MPPED1: variants seen among roughly 807,000 people sequenced by gnomAD.
The protein encoded by MPPED1 is metallophosphoesterase domain containing 1.
MPPED1 carries 16 observed loss-of-function variants against 36.2 expected under a neutral mutation model. The ratio of observed to expected loss-of-function variants is 0.44; its 90% CI spans 0.30 to 0.67. The LOEUF is 0.67. Ranked by LOEUF, MPPED1 falls within the 30% of genes least tolerant of loss-of-function variation. The pLI is 0.10. For synonymous variants in MPPED1, 199 were observed against 191.3 expected, an observed-to-expected ratio of 1.04 and a Z score of -0.33; for missense variants, 307 against 453.4, an observed-to-expected ratio of 0.68 and a Z score of 2.93.
intron 5 of MPPED1, among the ~76,000 whole-genome samples, chr22:43,499,636 AGGT>A (rs561950383): frequency 0.041 from 516 of 12,490 alleles, 18 homozygotes; most frequent in African/African-American, 0.059. Context: ...ATGATGGTGG[AGGT>A]GGTGGTGGTG....
At chr22:43,503,667 C>G (rs1377626800) in intron 6 of MPPED1, among the ~76,000 whole-genome samples, 1 of 152,134 alleles carries the variant, frequency 6.6e-6, no homozygotes, top group Non-Finnish European at 1.5e-5. Flanking sequence ...TGGAGGAGCC[C>G]TAGGCACAGA....
intron 1 of MPPED1, among the ~76,000 whole-genome samples, chr22:43,412,450 G>C (rs933722848): frequency 1.3e-5 from 2 of 152,124 alleles, no homozygotes; most frequent in African/African-American, 4.8e-5. Context: ...GCTGCTGGCG[G>C]AGTAGCTGGT....
At chr22:43,466,273 G>A (rs1279715745) in intron 3 of MPPED1, among the ~76,000 whole-genome samples, 3 of 152,126 alleles carry the variant, frequency 2.0e-5, no homozygotes, top group African/African-American at 7.2e-5. Context: ...GAGGCCAGGG[G>A]GTCTGCAGCT....
At chr22:43,432,255 AAGAG>A (rs1218664583) in intron 2 of MPPED1, among the ~76,000 whole-genome samples, 3 of 148,176 alleles carry the variant, frequency 2.0e-5, no homozygotes, top group African/African-American at 7.5e-5. Flanking sequence ...GAGGGAGGGA[AAGAG>A]AGAGAAAGGG....
intron 4 of MPPED1, among the ~76,000 whole-genome samples, chr22:43,489,557 C>T (rs537147403): frequency 4.6e-5 from 7 of 151,668 alleles, no homozygotes; most frequent in Admixed American, 1.3e-4. Flanking sequence ...CTCGCTCTGT[C>T]GCCCAGGCTG....
At chr22:43,412,235 GGCGCTGGGCGACGCCCGCGGCGCT>G in intron 1 of MPPED1, 77 bp downstream of exon 1, 8 of 860,982 alleles carry the variant, frequency 9.3e-6, no homozygotes, top group Non-Finnish European at 1.1e-5. Context: ...ACCCTCTCCA[GGCGCTGGGCGACGCCCGCGGCGCT>G]GCGCAGGGGC....
intron 2 of MPPED1, among the ~76,000 whole-genome samples, chr22:43,431,622 G>C (rs1929691292): frequency 6.6e-6 from 1 of 152,154 alleles, no homozygotes; most frequent in African/African-American, 2.4e-5. Context: ...TAAGATCATG[G>C]ACAAGTCAGC....
intron 4 of MPPED1, among the ~76,000 whole-genome samples, chr22:43,484,211 C>G (rs181043548): frequency 3.3e-5 from 5 of 152,238 alleles, no homozygotes; most frequent in African/African-American, 9.6e-5. Context: ...CTGCTTCATA[C>G]TCGAGACCCG....
At chr22:43,413,443 C>T (rs1246342564) in intron 1 of MPPED1, among the ~76,000 whole-genome samples, 1 of 151,788 alleles carries the variant, frequency 6.6e-6, no homozygotes, top group Non-Finnish European at 1.5e-5. Context: ...GTTGGAGAGG[C>T]CACCAGCTGA....
chr22:43,469,599 G>A (rs6003215), intron 3 of MPPED1, among the ~76,000 whole-genome samples: 39,848 of 132,230 alleles, frequency 0.3, 5,893 homozygotes, highest in African/African-American at 0.44. Flanking sequence ...GCCATGCTGG[G>A]ACTTCCGTTC....
At chr22:43,456,095 C>G (rs1325750976) in intron 3 of MPPED1, among the ~76,000 whole-genome samples, 1 of 152,198 alleles carries the variant, frequency 6.6e-6, no homozygotes, top group East Asian at 1.9e-4. Flanking sequence ...TGAATAGAGA[C>G]AGTTTTATTT....
chr22:43,488,181 G>A (rs148574040), intron 4 of MPPED1, among the ~76,000 whole-genome samples: 2 of 152,192 alleles, frequency 1.3e-5, no homozygotes, highest in African/African-American at 2.4e-5. Flanking sequence ...CATTGAGGGC[G>A]GCCCCTACGC....
At chr22:43,424,783 C>G in intron 1 of MPPED1, 125 bp from the exon 2 acceptor site, 1 of 1,286,484 alleles carries the variant, frequency 7.8e-7, no homozygotes, top group Non-Finnish European at 1.0e-6. Context: ...AGTTTTTGAG[C>G]TGTACGACTG....
chr22:43,448,749 C>T (rs765607028), intron 3 of MPPED1, among the ~76,000 whole-genome samples: 1 of 152,008 alleles, frequency 6.6e-6, no homozygotes, highest in African/African-American at 2.4e-5. Context: ...ATTACAGGCA[C>T]CTGCCACCAT....
At chr22:43,452,914 C>A (rs1383670018) in intron 3 of MPPED1, among the ~76,000 whole-genome samples, 2 of 151,800 alleles carry the variant, frequency 1.3e-5, no homozygotes, top group Non-Finnish European at 2.9e-5. Flanking sequence ...GTGTGAGCTA[C>A]CACACCTAGC....
At chr22:43,416,975 A>G (rs1182254721) in intron 1 of MPPED1, 1 of 985,414 alleles carries the variant, frequency 1.0e-6, no homozygotes. Context: ...AATTAAAGGA[A>G]TAAGTGAGCA....
intron 3 of MPPED1, among the ~76,000 whole-genome samples, chr22:43,468,193 C>G (rs989284894): frequency 6.6e-6 from 1 of 152,172 alleles, no homozygotes; most frequent in African/African-American, 2.4e-5. Context: ...TAGCAAATGC[C>G]AGGATGTTGA....
At chr22:43,427,154 G>A (rs956382863) in intron 2 of MPPED1, among the ~76,000 whole-genome samples, 8 of 152,208 alleles carry the variant, frequency 5.3e-5, no homozygotes, top group African/African-American at 1.7e-4. Context: ...ACATACAGTG[G>A]GACCATGGAC....
At chr22:43,443,118 A>C (rs1174648827) in intron 3 of MPPED1, among the ~76,000 whole-genome samples, 1 of 152,142 alleles carries the variant, frequency 6.6e-6, no homozygotes, top group Non-Finnish European at 1.5e-5. Context: ...GCTGGTGGTG[A>C]CTGGAGTGGA....
Sources: allele counts gnomAD v4.1 joint callset (sites outside exome capture counted in the v4.1 genomes callset), GRCh38; gene constraint gnomAD v4.1.1; transcripts MANE v1.5; gene names NCBI Gene and HGNC (gene_info 2026-07-23, HGNC 2026-07-21).